SDK2: variants seen among roughly 807,000 people sequenced by gnomAD.
SDK2 encodes protein sidekick-2.
A neutral mutation model predicts 253.9 loss-of-function variants in SDK2; 105 were observed. That is an observed-to-expected ratio of 0.41 (90% CI 0.35 to 0.49). The LOEUF (loss-of-function observed/expected upper bound fraction) is 0.49, where lower values mean the gene tolerates loss of function less well. SDK2 is among the 20% of genes least tolerant of loss of function. The probability of loss-of-function intolerance (pLI) is 0.06; values close to 1 mark genes in which losing one functional copy is unlikely to be tolerated. For missense variants in SDK2, 2,608 were observed against 3,003.0 expected (o/e 0.87, Z 3.07); for synonymous variants, 1,249 against 1,234.9 (o/e 1.01, Z -0.24).
chr17:73,374,517 G>C (rs61139312), intron 36 of SDK2, among the ~76,000 whole-genome samples: 3 of 142,808 alleles, frequency 2.1e-5, no homozygotes, highest in Admixed American at 1.4e-4. Flanking sequence ...GCCCAGGCTG[G>C]AGTACAGTGG....
chr17:73,524,438 T>A (rs2064109206), intron 1 of SDK2, among the ~76,000 whole-genome samples: 1 of 152,124 alleles, frequency 6.6e-6, no homozygotes, highest in Non-Finnish European at 1.5e-5. Context: ...GGGCTGGGGA[T>A]GAAGGTGGAT....
Position 73,511,921 on chromosome 17 carries a change from G to C in SDK2, c.65-4324C>G, listed in dbSNP as rs1346608920. Among the ~76,000 whole-genome samples the C allele has an allele frequency of 6.6e-6, 1 of 152,172 alleles. No individual in the cohort carries two copies. The highest frequency in any genetic ancestry group is 1.5e-5 in the Non-Finnish European group (1 of 68,028). On this transcript the variant is annotated intron_variant, in intron 1 of 44. Coordinates refer to ENST00000392650, the MANE Select transcript of SDK2 (RefSeq NM_001144952.2). This position sits in a 1 kb window ranked among gnomAD's most constrained non-coding sequence, Gnocchi z 4.9. ...CGTGTTTATGTGTGCAGGTGTGTGT[G>C]TGTGCAGGTGTGTCTGCATGTATGT...
At chr17:73,388,695 C>G (rs2062894932) in intron 29 of SDK2, among the ~76,000 whole-genome samples, 1 of 152,182 alleles carries the variant, frequency 6.6e-6, no homozygotes, top group South Asian at 2.1e-4. Context: ...AAGCACTGTA[C>G]TAATGGTTTT....
chr17:73,624,179 G>C (rs1232146861), intron 1 of SDK2, among the ~76,000 whole-genome samples: 1 of 152,220 alleles, frequency 6.6e-6, no homozygotes, highest in Non-Finnish European at 1.5e-5. Flanking sequence ...CATACTCCAG[G>C]CAAGCTGATA....
rs1269237072 is a variant in SDK2 at position 73,535,590 on chromosome 17, C to T, written c.65-27993G>A. Among the ~76,000 whole-genome samples the T allele has an allele frequency of 1.3e-5, 2 of 152,190 alleles. 1 individual carries two copies. The highest frequency in any genetic ancestry group is 4.8e-5 in the African/African-American group (2 of 41,440). On this transcript the variant is annotated intron_variant, in intron 1 of 44. Coordinates refer to ENST00000392650, the MANE Select transcript of SDK2 (RefSeq NM_001144952.2). ...TGTTCCCCAGGAAATATAAAAAAGC[C>T]CTGATTGCCCACCATTGCCAATTTC... is the stretch of plus-strand genomic sequence containing the variant.
At chr17:73,536,834 C>T (rs1567829232) in intron 1 of SDK2, among the ~76,000 whole-genome samples, 1 of 152,212 alleles carries the variant, frequency 6.6e-6, no homozygotes, top group Non-Finnish European at 1.5e-5. Flanking sequence ...AGCCCCGCCT[C>T]CTTCCCTACT....
chr17:73,507,323 G>A, intron 2 of SDK2, 115 bp downstream of exon 2: 23 of 1,149,202 alleles, frequency 2.0e-5, no homozygotes, highest in Non-Finnish European at 2.3e-5. Flanking sequence ...AGAACTCCAG[G>A]CTCTAGGAGC....
chr17:73,507,708 T>C, intron 1 of SDK2, 111 bp from the exon 2 acceptor site: 3 of 1,213,622 alleles, frequency 2.5e-6, no homozygotes, highest in Non-Finnish European at 3.4e-6. Context: ...AGCCAGGTAA[T>C]TTGCCCAAGG....
intron 1 of SDK2, among the ~76,000 whole-genome samples, chr17:73,546,260 A>C (rs1599667259): frequency 6.6e-6 from 1 of 152,270 alleles, no homozygotes; most frequent in East Asian, 1.9e-4. Context: ...CAGGCGGAGG[A>C]GGAAAGAATC....
At chr17:73,634,632 T>A (rs1302809797) in intron 1 of SDK2, among the ~76,000 whole-genome samples, 1 of 152,206 alleles carries the variant, frequency 6.6e-6, no homozygotes, top group Non-Finnish European at 1.5e-5. Context: ...CAATAAATCC[T>A]TAACAGCAGA....
chr17:73,388,904 CCCTCCCTCCCTT>C (rs1342070008), intron 29 of SDK2, among the ~76,000 whole-genome samples: 4 of 88,140 alleles, frequency 4.5e-5, no homozygotes. Flanking sequence ...CTCCCTCCCT[CCCTCCCTCCCTT>C]TTTCCCCCCT....
chr17:73,549,865 G>A (rs781254975), intron 1 of SDK2, among the ~76,000 whole-genome samples: 14 of 152,162 alleles, frequency 9.2e-5, no homozygotes, highest in Non-Finnish European at 1.8e-4. Context: ...GTAACAGAAA[G>A]ATCACTCTGG....
chr17:73,485,409 T>C (rs1004005596), intron 2 of SDK2, among the ~76,000 whole-genome samples: 1 of 152,098 alleles, frequency 6.6e-6, no homozygotes, highest in Non-Finnish European at 1.5e-5. Context: ...TCGACTGTGG[T>C]GCTGGCCAGA....
intron 1 of SDK2, among the ~76,000 whole-genome samples, chr17:73,508,955 C>G (rs947801706): frequency 6.6e-6 from 1 of 152,244 alleles, no homozygotes; most frequent in Admixed American, 6.5e-5. Context: ...CTATGTGCCA[C>G]GGGCTTGAGG....
chr17:73,516,894 C>T (rs1410477741), intron 1 of SDK2: 2 of 152,210 alleles, frequency 1.3e-5, no homozygotes, highest in African/African-American at 2.4e-5. Context: ...CACTGGCCAC[C>T]AGGGCAGCTA....
chr17:73,440,888 T>C lies in SDK2; in HGVS notation c.649A>G (p.Ile217Val). 1.9e-6 allele frequency: 3 copies of C among 1,551,684 alleles called. No individual in the cohort carries two copies. Among genetic ancestry groups the C allele is most frequent in the Non-Finnish European group, 2.6e-6 (3 of 1,146,972 alleles). ...GGPADPIAPT[I>V]IIPPKNTSVV... ...CTGGTGTTTTTAGGTGGGATGATGATGGTGGGTGCGATGGGGTCTGCAGGC... is the reference window on the plus strand; with the variant it reads ...CTGGTGTTTTTAGGTGGGATGATGACGGTGGGTGCGATGGGGTCTGCAGGC... Residue 217 changes from isoleucine to valine, a missense_variant, in exon 6 of 45, where the codon ATC (isoleucine) becomes GTC (valine). Physicochemically the swap from Ile to Val is conservative, Grantham distance 29. Coordinates refer to ENST00000392650, the MANE Select transcript of SDK2 (RefSeq NM_001144952.2).
In SDK2 at chr17:73,338,708, C is replaced by T. The variant is rs201326991; in HGVS notation, c.6398G>A (p.Arg2133Gln). The change falls in exon 45 of 45, where the codon CGG (arginine) becomes CAG (glutamine). Residue 2133 changes from arginine (R) to glutamine (Q), a missense_variant. Around this residue, in one of 2 missense-constraint regions of SDK2, gnomAD observed 1,103 missense variants for 1,143.9 expected, o/e 0.96. Transcript: ENST00000392650. The surrounding 1 kb of genome is among the most constrained non-coding windows in gnomAD (Gnocchi z 5.0). ...QGSLFRPKAS[R>Q]TPTPQNPPNP... ...AGGGGGGTTCTGGGGCGTTGGAGTC[C>T]GACTGGCCTTGGGCCGAAAGAGGCT... is the stretch of plus-strand genomic sequence containing the variant. 1.7e-4 allele frequency: 275 copies of T among 1,610,090 alleles called. 1 individual carries two copies. The East Asian group carries it at 5.6e-3, about 33-fold the overall frequency.
In SDK2 at chr17:73,541,327, C is replaced by T. The variant is rs1051174418; in HGVS notation, c.65-33730G>A. On this transcript the variant is annotated intron_variant, in intron 1 of 44. Transcript: ENST00000392650. This position sits in a 1 kb window ranked among gnomAD's most constrained non-coding sequence, Gnocchi z 4.3. ...TGGACCAGGGCCAGAGCCAGGCTCT[C>T]CCTGCTGGTGGAGCGGATGTGGGGC... Among the ~76,000 whole-genome samples, 3 of 152,160 alleles carry T rather than the reference C, an allele frequency of 2.0e-5. No homozygotes were observed. The highest frequency in any genetic ancestry group is 2.0e-4 in the Admixed American group (3 of 15,288).
At chr17:73,517,305 G>A (rs532685431) in intron 1 of SDK2, 1 of 152,308 alleles carries the variant, frequency 6.6e-6, no homozygotes, top group South Asian at 2.1e-4. Flanking sequence ...ACCTCAGAAT[G>A]TGACCTGATT....
Sources: gnomAD v4.1 joint callset for allele counts (sites outside exome capture counted in the v4.1 genomes callset) on GRCh38, gnomAD v4.1.1 for gene constraint, gnomAD v4.1.1 regional missense constraint, Gnocchi (gnomAD v3.1) non-coding constraint, MANE v1.5 for transcripts, NCBI Gene and HGNC (gene_info 2026-07-23, HGNC 2026-07-21) for gene names.